Variants in TMEM132D observed in about 807,000 individuals in gnomAD.
The protein encoded by TMEM132D is transmembrane protein 132D.
In TMEM132D, 21 loss-of-function variants were observed where a neutral mutation model predicts 62.3. That is an observed-to-expected ratio of 0.34 (90% CI 0.24 to 0.49). The LOEUF (loss-of-function observed/expected upper bound fraction) is 0.49. Ranked by LOEUF, TMEM132D falls within the 20% of genes least tolerant of loss-of-function variation. The probability of loss-of-function intolerance (pLI) is 0.99; values close to 1 mark genes in which losing one functional copy is unlikely to be tolerated. For missense variants in TMEM132D, 1,346 were observed against 1,402.8 expected (o/e 0.96, Z 0.65); for synonymous variants, 621 against 575.6 (o/e 1.08, Z -1.13).
chr12:129,500,288 C>G (rs1265969919), intron 3 of TMEM132D, among the ~76,000 whole-genome samples: 3 of 126,420 alleles, frequency 2.4e-5, no homozygotes, highest in Admixed American at 1.6e-4. Flanking sequence ...ATACCCTGAG[C>G]GGGGAGGCAA....
chr12:129,704,299 A>G (rs894779113), intron 1 of TMEM132D, among the ~76,000 whole-genome samples: 2 of 152,234 alleles, frequency 1.3e-5, no homozygotes, highest in African/African-American at 4.8e-5. Flanking sequence ...TGACAAATCT[A>G]CCCTGATATC....
At chr12:129,199,642 A>C (rs1005244971) in intron 5 of TMEM132D, among the ~76,000 whole-genome samples, 2 of 152,212 alleles carry the variant, frequency 1.3e-5, no homozygotes, top group African/African-American at 4.8e-5. Flanking sequence ...AAAGAGGTTT[A>C]ATGGACTCAC....
At chr12:129,496,370 A>G (rs536818597) in intron 3 of TMEM132D, among the ~76,000 whole-genome samples, 1 of 152,294 alleles carries the variant, frequency 6.6e-6, no homozygotes, top group African/African-American at 2.4e-5. Context: ...AATGGGCAGG[A>G]TATCTATCAC....
chr12:129,796,201 C>A (rs115468253), intron 1 of TMEM132D, among the ~76,000 whole-genome samples: 2,220 of 152,006 alleles, frequency 0.015, 51 homozygotes, highest in African/African-American at 0.051. Flanking sequence ...TTAATGAATA[C>A]TAAAATTAAA....
At chr12:129,160,335 A>C (rs568410300) in intron 5 of TMEM132D, among the ~76,000 whole-genome samples, 1 of 152,240 alleles carries the variant, frequency 6.6e-6, no homozygotes, top group Non-Finnish European at 1.5e-5. Flanking sequence ...GGCCTCACCA[A>C]TCACTAAATC....
At chr12:129,577,852 TTGAC>T (rs1255470638) in intron 2 of TMEM132D, among the ~76,000 whole-genome samples, 1 of 152,132 alleles carries the variant, frequency 6.6e-6, no homozygotes, top group Non-Finnish European at 1.5e-5. Flanking sequence ...ATGTGTCAAT[TTGAC>T]TGAGCTAAGG....
At chr12:129,800,748 C>G (rs1046625892) in intron 1 of TMEM132D, among the ~76,000 whole-genome samples, 1 of 152,144 alleles carries the variant, frequency 6.6e-6, no homozygotes, top group African/African-American at 2.4e-5. Flanking sequence ...CGGTCTACAG[C>G]TCCCAGCGAG....
chr12:129,586,629 C>A (rs1878038045), intron 2 of TMEM132D, among the ~76,000 whole-genome samples: 1 of 152,090 alleles, frequency 6.6e-6, no homozygotes. Context: ...GGGCACTAAT[C>A]CCATTCCTGA....
At chr12:129,304,243 C>G (rs1593329962) in intron 4 of TMEM132D, among the ~76,000 whole-genome samples, 2 of 152,356 alleles carry the variant, frequency 1.3e-5, no homozygotes, top group Middle Eastern at 3.4e-3. Flanking sequence ...CAACTCTACA[C>G]TTGCAACACC....
rs986971879 is a variant in TMEM132D at position 129,202,927 on chromosome 12, C to A, written c.1443+6593G>T. Among the ~76,000 whole-genome samples, 4 of 152,192 alleles carry A rather than the reference C, an allele frequency of 2.6e-5. 1 individual carries two copies. The highest frequency in any genetic ancestry group is 5.9e-5 in the Non-Finnish European group (4 of 68,032). ...ATAGTAGTTGCTCAAGAAATGTTTGCTGTCAAACATATTTAAGCAAATGTT... is the reference window on the plus strand; with the variant it reads ...ATAGTAGTTGCTCAAGAAATGTTTGATGTCAAACATATTTAAGCAAATGTT... On this transcript the variant is annotated intron_variant, in intron 5 of 8. Coordinates refer to ENST00000422113, the MANE Select transcript of TMEM132D (RefSeq NM_133448.3).
At chr12:129,103,816 CAGGAA>C (rs71817272) in intron 5 of TMEM132D, among the ~76,000 whole-genome samples, 30,406 of 151,848 alleles carry the variant, frequency 0.2, 3,078 homozygotes, top group Non-Finnish European at 0.21. Context: ...ATAAAATACC[CAGGAA>C]TCCAACTTAC....
chr12:129,830,961 C>G (rs1249249353), intron 1 of TMEM132D, among the ~76,000 whole-genome samples: 1 of 152,124 alleles, frequency 6.6e-6, no homozygotes, highest in Non-Finnish European at 1.5e-5. Context: ...CAGGACTCTC[C>G]GTCTGGCTCC....
chr12:129,472,769 A>G lies in TMEM132D; in HGVS notation c.1115+58290T>C, dbSNP rs182088739. On this transcript the variant is annotated intron_variant, in intron 3 of 8. Transcript: ENST00000422113. Reference sequence around the variant, plus strand: ...ATTCTTCAATTTTGAAAGACGTTCTACTGTGAGTAAAATGCTATCAAATAG... The same window carrying G: ...ATTCTTCAATTTTGAAAGACGTTCTGCTGTGAGTAAAATGCTATCAAATAG... 9.8e-5 allele frequency among the ~76,000 whole-genome samples: 15 copies of G among 152,358 alleles called. 1 individual carries two copies. The highest frequency in any genetic ancestry group is 3.1e-4 in the African/African-American group (13 of 41,584).
intron 3 of TMEM132D, among the ~76,000 whole-genome samples, chr12:129,466,736 C>T (rs1873919273): frequency 6.6e-6 from 1 of 152,184 alleles, no homozygotes; most frequent in Non-Finnish European, 1.5e-5. Flanking sequence ...GTTTCCCATT[C>T]ACTCTGCTCA....
chr12:129,193,188 G>T (rs1878455878), intron 5 of TMEM132D, among the ~76,000 whole-genome samples: 1 of 150,034 alleles, frequency 6.7e-6, no homozygotes, highest in Non-Finnish European at 1.5e-5. Flanking sequence ...AGATACAACA[G>T]CTTTATGCCA....
chr12:129,604,846 G>A (rs1458663651), intron 2 of TMEM132D, among the ~76,000 whole-genome samples: 3 of 152,056 alleles, frequency 2.0e-5, no homozygotes, highest in African/African-American at 7.2e-5. Context: ...AAATTAAGAC[G>A]CTATTAGCAG....
chr12:129,301,107 C>G (rs1396923163), intron 4 of TMEM132D, among the ~76,000 whole-genome samples: 1 of 152,142 alleles, frequency 6.6e-6, no homozygotes, highest in Admixed American at 6.5e-5. Flanking sequence ...GATGCAAACA[C>G]TTTGAGGGGT....
chr12:129,264,746 C>A (rs138094386), intron 4 of TMEM132D, among the ~76,000 whole-genome samples: 2 of 152,058 alleles, frequency 1.3e-5, no homozygotes, highest in Non-Finnish European at 2.9e-5. Flanking sequence ...TGAAAAGGAA[C>A]GAATTAACAG....
At position 129,150,339 on chromosome 12, in the gene TMEM132D, G is replaced by A. The variant is rs377160258; in HGVS notation, c.1443+59181C>T. On this transcript the variant is annotated intron_variant, in intron 5 of 8. Coordinates refer to ENST00000422113, the MANE Select transcript of TMEM132D (RefSeq NM_133448.3). ...ACAGGGGGCTGACGACAATGCCGAC[G>A]GCCAACACTCACTGGGGACTCTGTT... 2.2e-4 allele frequency among the ~76,000 whole-genome samples: 33 copies of A among 152,240 alleles called. No homozygotes were observed. In the Middle Eastern group the frequency reaches 0.01, roughly 47 times the overall value.
Sources: allele counts gnomAD v4.1 joint callset (sites outside exome capture counted in the v4.1 genomes callset), GRCh38; gene constraint gnomAD v4.1.1; transcripts MANE v1.5; gene names NCBI Gene and HGNC (gene_info 2026-07-23, HGNC 2026-07-21).